The following LRFN5 variants were observed in gnomAD, a reference collection of about 807,000 sequenced individuals.
The protein encoded by LRFN5 is leucine rich repeat and fibronectin type III domain containing 5.
In LRFN5, 24 loss-of-function variants were observed where a neutral mutation model predicts 45.6. The observed-to-expected ratio is 0.53, with a 90% CI of 0.38 to 0.74. The LOEUF (loss-of-function observed/expected upper bound fraction) is 0.74. Ranked by LOEUF, LRFN5 falls within the 30% of genes least tolerant of loss-of-function variation. LRFN5 has a pLI of 0.00. For synonymous variants in LRFN5, 340 were observed against 313.8 expected (o/e 1.08, Z -0.88); for missense variants, 776 against 861.5 (o/e 0.90, Z 1.24).
Position 41,784,379 on chromosome 14 carries a change from A to C in LRFN5, c.-21+17350A>C, listed in dbSNP as rs148425211. On this transcript the variant is annotated intron_variant, in intron 2 of 5. Transcript: ENST00000298119. Reference sequence around the variant, plus strand: ...TTTCTTAGGTTTTCATGACCTTTTTAAAAATTTTTATTTCTTTTTTTTTAA... The same window carrying C: ...TTTCTTAGGTTTTCATGACCTTTTTCAAAATTTTTATTTCTTTTTTTTTAA... 4.6e-5 allele frequency among the ~76,000 whole-genome samples: 7 copies of C among 152,032 alleles called. No homozygotes were observed. The East Asian group carries it at 1.4e-3, about 30-fold the overall frequency.
intron 2 of LRFN5, among the ~76,000 whole-genome samples, chr14:41,778,226 A>G (rs1395111773): frequency 6.6e-6 from 1 of 151,774 alleles, no homozygotes; most frequent in Non-Finnish European, 1.5e-5. Context: ...GATTTTTAAA[A>G]TAAATGAGCA....
At chr14:41,819,407 A>T (rs1842577384) in intron 2 of LRFN5, among the ~76,000 whole-genome samples, 1 of 152,112 alleles carries the variant, frequency 6.6e-6, no homozygotes, top group Non-Finnish European at 1.5e-5. Context: ...TTTAATAACC[A>T]TTCTGATTCA....
intron 4 of LRFN5, among the ~76,000 whole-genome samples, chr14:41,897,778 T>G (rs1890986817): frequency 6.6e-6 from 1 of 152,120 alleles, no homozygotes; most frequent in South Asian, 2.1e-4. Context: ...ATGTTCATGA[T>G]GTCTGAAAAC....
intron 1 of LRFN5, among the ~76,000 whole-genome samples, chr14:41,711,236 C>T (rs532303691): frequency 6.6e-6 from 1 of 152,150 alleles, no homozygotes; most frequent in South Asian, 2.1e-4. Flanking sequence ...TTTCAGGAAT[C>T]GAATGAGTAT....
intron 1 of LRFN5, among the ~76,000 whole-genome samples, chr14:41,718,445 C>A (rs1228099424): frequency 1.3e-5 from 2 of 152,138 alleles, no homozygotes; most frequent in Non-Finnish European, 2.9e-5. Flanking sequence ...AGAGAAATAT[C>A]TCTTTAGCTA....
intron 1 of LRFN5, among the ~76,000 whole-genome samples, chr14:41,662,025 G>A (rs1174070332): frequency 6.6e-6 from 1 of 151,964 alleles, no homozygotes; most frequent in Non-Finnish European, 1.5e-5. Flanking sequence ...GAAGGGGTGG[G>A]GGCTGCTGAA....
Position 41,892,893 on chromosome 14 carries a change from A to G in LRFN5, c.2098+931A>G, listed in dbSNP as rs1341551408. The G allele has an allele frequency of 5.1e-6, 5 of 985,174 alleles. No individual in the cohort carries two copies. The African/African-American group carries it at 8.7e-5, about 17-fold the overall frequency. 61.0% of individuals were successfully genotyped at this position (985,174 alleles called of 1,614,324 possible). ...CATTCATTTAATACACATTTTTTGAATGAATGAGTTTTATGTTGTTCTTAA... is the reference window on the plus strand; with the variant it reads ...CATTCATTTAATACACATTTTTTGAGTGAATGAGTTTTATGTTGTTCTTAA... On this transcript the variant is annotated intron_variant, in intron 4 of 5. Transcript: ENST00000298119.
At chr14:41,673,025 G>T (rs1881310046) in intron 1 of LRFN5, among the ~76,000 whole-genome samples, 1 of 151,470 alleles carries the variant, frequency 6.6e-6, no homozygotes, top group South Asian at 2.1e-4. Flanking sequence ...TTATGATTTT[G>T]TTATTTATTT....
intron 2 of LRFN5, among the ~76,000 whole-genome samples, chr14:41,821,115 T>C (rs1338674720): frequency 6.6e-6 from 1 of 151,996 alleles, no homozygotes; most frequent in East Asian, 1.9e-4. Context: ...TTTTCTTGCC[T>C]GATTGTTCTT....
intron 2 of LRFN5, among the ~76,000 whole-genome samples, chr14:41,861,511 A>C (rs8010512): frequency 0.041 from 6,308 of 152,232 alleles, 469 homozygotes; most frequent in African/African-American, 0.14. Context: ...TAAAAGCTTC[A>C]TTTTAGCAAA....
At chr14:41,729,142 T>C (rs1413932777) in intron 1 of LRFN5, among the ~76,000 whole-genome samples, 1 of 152,198 alleles carries the variant, frequency 6.6e-6, no homozygotes, top group Non-Finnish European at 1.5e-5. Flanking sequence ...CGAAATGTGA[T>C]TCCCAGTGTT....
rs116588167 is a variant in LRFN5, at chr14:41,894,655, C to G, written c.2098+2693C>G. ...AGTGTGAAGTGACTGAAAAGTAAGTCTACAGAAAAGGTGGGAATGATATTA... is the reference window on the plus strand; with the variant it reads ...AGTGTGAAGTGACTGAAAAGTAAGTGTACAGAAAAGGTGGGAATGATATTA... On this transcript the variant is annotated intron_variant, in intron 4 of 5. Transcript: ENST00000298119. The G allele has an allele frequency of 3.3e-3, 3,216 of 984,828 alleles. 81 individuals are homozygous for G. The African/African-American group carries it at 0.052, about 16-fold the overall frequency. 61.0% of individuals were successfully genotyped at this position (984,828 alleles called of 1,614,324 possible).
rs1566585161 is a variant in LRFN5, at chr14:41,607,778, T to C, written c.-981T>C. 1 of 152,114 alleles carries C rather than the reference T, an allele frequency of 6.6e-6. No individual in the cohort carries two copies. Among genetic ancestry groups the C allele is most frequent in the Non-Finnish European group, 1.5e-5 (1 of 68,040 alleles). 9.4% of individuals were successfully genotyped at this position (152,114 alleles called of 1,614,324 possible). A position where few individuals can be genotyped will look rare whatever the true frequency, so the allele number is the denominator to read the frequency against. On this transcript the variant is annotated 5_prime_UTR_variant, in exon 1 of 6. Transcript: ENST00000298119. The stretch of plus-strand genomic sequence containing the variant: ...CAATATTAACCTGCTTCCAGGTACA[T>C]CACAAGGTCAAGAGAGTGTCTTGCA...
chr14:41,783,216 A>C (rs1049424708), intron 2 of LRFN5, among the ~76,000 whole-genome samples: 1 of 152,004 alleles, frequency 6.6e-6, no homozygotes, highest in African/African-American at 2.4e-5. Flanking sequence ...AAATATAAGA[A>C]TGTAGGGGGA....
At chr14:41,692,688 A>G (rs1322719246) in intron 1 of LRFN5, among the ~76,000 whole-genome samples, 1 of 152,146 alleles carries the variant, frequency 6.6e-6, no homozygotes, top group East Asian at 1.9e-4. Context: ...TCCTTGCGAT[A>G]ATTTGCTGAG....
intron 1 of LRFN5, among the ~76,000 whole-genome samples, chr14:41,730,534 G>A (rs1884125215): frequency 6.6e-6 from 1 of 151,902 alleles, no homozygotes; most frequent in South Asian, 2.1e-4. Flanking sequence ...ATTTCCACAG[G>A]AAATGTAGTT....
intron 1 of LRFN5, among the ~76,000 whole-genome samples, chr14:41,626,792 A>G (rs1232103186): frequency 6.6e-6 from 1 of 152,064 alleles, no homozygotes; most frequent in Non-Finnish European, 1.5e-5. Flanking sequence ...ATTTACTCTG[A>G]TGTATTAGAC....
At chr14:41,704,408 T>TTC (rs141458106) in intron 1 of LRFN5, among the ~76,000 whole-genome samples, 2,681 of 102,292 alleles carry the variant, frequency 0.026, 43 homozygotes, top group Middle Eastern at 0.041. Flanking sequence ...TGTTATACTT[T>TTC]TCTCTCTCTC....
At chr14:41,813,196 T>C (rs1039327374) in intron 2 of LRFN5, among the ~76,000 whole-genome samples, 3 of 152,114 alleles carry the variant, frequency 2.0e-5, no homozygotes, top group African/African-American at 7.2e-5. Flanking sequence ...TTCATCCCTT[T>C]GATTTTTCTT....
Sources: allele counts gnomAD v4.1 joint callset (sites outside exome capture counted in the v4.1 genomes callset), GRCh38; gene constraint gnomAD v4.1.1; transcripts MANE v1.5; gene names NCBI Gene and HGNC (gene_info 2026-07-23, HGNC 2026-07-21).